ITIH5: variants seen among roughly 807,000 people sequenced by gnomAD.
The protein encoded by ITIH5 is inter-alpha-trypsin inhibitor heavy chain 5.
ITIH5 carries 65 observed loss-of-function variants against 77.5 expected under a neutral mutation model. That is an observed-to-expected ratio of 0.84 (90% CI 0.69 to 1.03). ITIH5 has a LOEUF of 1.03. ITIH5 is among the 50% of genes least tolerant of loss of function. The pLI, the probability that ITIH5 is intolerant of heterozygous loss-of-function variation, is 0.00. For synonymous variants in ITIH5, 525 were observed against 494.3 expected, an observed-to-expected ratio of 1.06 and a Z score of -0.82; for missense variants, 1,208 against 1,213.1, an observed-to-expected ratio of 1.00 and a Z score of 0.06.
chr10:7,559,701 A>C lies in ITIH5; in HGVS notation c.*3382T>G, dbSNP rs1832003737. ...CTTAAACAAAACACATTTATTTCTC[A>C]CAGTTCTGGAGGCTGGGAGGTCCAA... On this transcript the variant is annotated 3_prime_UTR_variant, in exon 14 of 14. Coordinates refer to ENST00000397146, the MANE Select transcript of ITIH5 (RefSeq NM_030569.7). 5.1e-6 allele frequency: 2 copies of C among 394,918 alleles called. No homozygotes were observed. The highest frequency in any genetic ancestry group is 5.0e-6 in the Non-Finnish European group (1 of 201,846). The allele number at this position is 394,918 out of a possible 1,614,324, so 24.5% of individuals were successfully genotyped here.
Position 7,559,352 on chromosome 10 carries a change from T to G in ITIH5, c.*3731A>C, listed in dbSNP as rs1831997545. On this transcript the variant is annotated 3_prime_UTR_variant, in exon 14 of 14. Coordinates refer to ENST00000397146, the MANE Select transcript of ITIH5 (RefSeq NM_030569.7). ...AAAATAAACAGACCAATATGTTGTT[T>G]GTTTTTATGCATCGTTCTCTTATAA... is the stretch of plus-strand genomic sequence containing the variant. 6.6e-6 allele frequency: 1 copy of G among 150,756 alleles called. No homozygotes were observed. The highest frequency in any genetic ancestry group is 1.5e-5 in the Non-Finnish European group (1 of 68,190). The allele number at this position is 150,756 out of a possible 1,614,324, so 9.3% of individuals were successfully genotyped here. A position where few individuals can be genotyped will look rare whatever the true frequency, so the allele number is the denominator to read the frequency against.
chr10:7,628,723 G>A (rs1588412221), intron 5 of ITIH5, among the ~76,000 whole-genome samples: 3 of 122,040 alleles, frequency 2.5e-5, no homozygotes, highest in African/African-American at 7.8e-5. Flanking sequence ...GTTGTAGCGT[G>A]TGTCCATGTT....
At chr10:7,662,765 C>T (rs542555274) in intron 1 of ITIH5, among the ~76,000 whole-genome samples, 3 of 152,270 alleles carry the variant, frequency 2.0e-5, no homozygotes, top group South Asian at 2.1e-4. Context: ...ATACTCCTTC[C>T]GCACTCTGCC....
At chr10:7,655,767 A>G in intron 1 of ITIH5, 92 bp from the exon 2 acceptor site, 1 of 977,342 alleles carries the variant, frequency 1.0e-6, no homozygotes, top group African/African-American at 1.6e-5. Context: ...TGAGTTATAC[A>G]AGGGGGTTAA....
intron 2 of ITIH5, among the ~76,000 whole-genome samples, chr10:7,646,551 C>A (rs1834012632): frequency 1.3e-5 from 2 of 152,180 alleles, no homozygotes; most frequent in African/African-American, 4.8e-5. Flanking sequence ...TTTAAAACAG[C>A]AGCAATCTTT....
chr10:7,563,699 G>A (rs1832084815), intron 13 of ITIH5, among the ~76,000 whole-genome samples: 1 of 152,240 alleles, frequency 6.6e-6, no homozygotes, highest in African/African-American at 2.4e-5. Flanking sequence ...ATATGAAGAG[G>A]GAAGTAGTGT....
intron 1 of ITIH5, among the ~76,000 whole-genome samples, chr10:7,663,028 T>A (rs866197381): frequency 6.6e-6 from 1 of 152,374 alleles, no homozygotes. Context: ...GTTTGAATTA[T>A]GACTAGCATA....
chr10:7,637,249 T>C lies in ITIH5; in HGVS notation c.631A>G (p.Arg211Gly). 3 of 1,609,640 alleles carry C rather than the reference T, an allele frequency of 1.9e-6. No homozygotes were observed. The South Asian group carries it at 3.3e-5, about 18-fold the overall frequency. The change falls in exon 5 of 14, where the codon AGG becomes GGG. Residue 211 changes from arginine (R) to glycine (G), a missense_variant. Physicochemically the swap from Arg to Gly is moderately radical, Grantham distance 125. Coordinates refer to ENST00000397146, the MANE Select transcript of ITIH5 (RefSeq NM_030569.7). ...TCACCTTCCCCGCGCCCACTGCCCCTCTGCCTGCTGTTGTGAAGCGGCAGC... is the reference window on the plus strand; with the variant it reads ...TCACCTTCCCCGCGCCCACTGCCCCCCTGCCTGCTGTTGTGAAGCGGCAGC... ...EVLPLHNSRQ[R>G]GSGRGEDDSG...
chr10:7,606,769 T>A (rs77443399), intron 7 of ITIH5, among the ~76,000 whole-genome samples: 15,209 of 152,280 alleles, frequency 0.1, 956 homozygotes, highest in Middle Eastern at 0.18. Context: ...AAATAGGACC[T>A]CATTTTACCT....
At chr10:7,635,859 C>T (rs1279541950) in intron 5 of ITIH5, among the ~76,000 whole-genome samples, 1 of 152,186 alleles carries the variant, frequency 6.6e-6, no homozygotes, top group Non-Finnish European at 1.5e-5. Context: ...TCCCTAAATA[C>T]CCTGGTCCAA....
intron 1 of ITIH5, among the ~76,000 whole-genome samples, chr10:7,661,080 C>T (rs1286877733): frequency 6.6e-6 from 1 of 152,194 alleles, no homozygotes; most frequent in Non-Finnish European, 1.5e-5. Context: ...ACTGTGCATG[C>T]AAGGGATCTA....
Position 7,607,811 on chromosome 10 carries a change from T to G in ITIH5, c.939+8171A>C, listed in dbSNP as rs563996108. Among the ~76,000 whole-genome samples the G allele has an allele frequency of 2.6e-5, 4 of 152,308 alleles. No individual in the cohort carries two copies. In the South Asian group the frequency reaches 8.3e-4, roughly 32 times the overall value. On this transcript the variant is annotated intron_variant, in intron 7 of 13. Transcript: ENST00000397146. The stretch of plus-strand genomic sequence containing the variant: ...CCTGTGCAACAAGAGCGAAGCTCAG[T>G]CTCGAAAGAAGAAAAAAAAAATCTT...
At chr10:7,616,155 C>A in intron 6 of ITIH5, 57 bp from the exon 7 acceptor site, 1 of 954,360 alleles carries the variant, frequency 1.0e-6, no homozygotes, top group South Asian at 1.3e-5. Flanking sequence ...AGCAAAAATA[C>A]CTGAAGTGGG....
At chr10:7,581,192 G>A (rs372515731) in intron 8 of ITIH5, among the ~76,000 whole-genome samples, 5 of 152,150 alleles carry the variant, frequency 3.3e-5, no homozygotes, top group Admixed American at 2.0e-4. Context: ...CCCAGAAGAC[G>A]GAAGTTGCAG....
intron 4 of ITIH5, among the ~76,000 whole-genome samples, chr10:7,639,351 T>C (rs1833847555): frequency 6.6e-6 from 1 of 152,232 alleles, no homozygotes; most frequent in African/African-American, 2.4e-5. Context: ...AGATTCTCTA[T>C]GTCTTTAGAA....
chr10:7,637,150 T>C, intron 5 of ITIH5, 78 bp downstream of exon 5: 1 of 1,522,054 alleles, frequency 6.6e-7, no homozygotes. Context: ...GTGCCATCTC[T>C]TGCAGATTTC....
At chr10:7,657,202 G>A (rs780966399) in intron 1 of ITIH5, among the ~76,000 whole-genome samples, 18 of 149,994 alleles carry the variant, frequency 1.2e-4, no homozygotes, top group East Asian at 2.0e-4. Context: ...GCACCACCAC[G>A]CCCGGCTAAT....
rs527708951 is a variant in ITIH5 at position 7,663,499 on chromosome 10, G to A, written c.90+3304C>T. 1.6e-4 allele frequency among the ~76,000 whole-genome samples: 24 copies of A among 152,256 alleles called. No individual in the cohort carries two copies. In the East Asian group the frequency reaches 2.1e-3, roughly 13 times the overall value. On this transcript the variant is annotated intron_variant, in intron 1 of 13. Transcript: ENST00000397146. ...CACTTGTGCAAGCCCCTAAAAATGC[G>A]TGATGTTTGTGGTGCCTGTCAGATT...
At chr10:7,635,952 A>G (rs572826973) in intron 5 of ITIH5, among the ~76,000 whole-genome samples, 1 of 152,060 alleles carries the variant, frequency 6.6e-6, no homozygotes, top group South Asian at 2.1e-4. Context: ...ATCATTTACC[A>G]TTTCTCCACT....
Sources: allele counts gnomAD v4.1 joint callset (sites outside exome capture counted in the v4.1 genomes callset), GRCh38; gene constraint gnomAD v4.1.1; transcripts MANE v1.5; gene names NCBI Gene and HGNC (gene_info 2026-07-23, HGNC 2026-07-21).